BTBD9: variants seen among roughly 807,000 people sequenced by gnomAD.
The protein encoded by BTBD9 is BTB/POZ domain-containing protein 9.
Under a neutral mutation model 64.3 loss-of-function variants are expected in BTBD9, and 49 were observed. That is an observed-to-expected ratio of 0.76 (90% confidence interval 0.61 to 0.97). The LOEUF (loss-of-function observed/expected upper bound fraction) is 0.97. Ranked by LOEUF, BTBD9 falls within the 50% of genes least tolerant of loss-of-function variation. BTBD9 has a pLI of 0.00. For synonymous variants in BTBD9, 260 were observed against 274.7 expected (o/e 0.95, Z 0.53); for missense variants, 598 against 762.1 (o/e 0.78, Z 2.53).
intron 8 of BTBD9, among the ~76,000 whole-genome samples, chr6:38,273,258 T>C (rs901548395): frequency 1.3e-5 from 2 of 152,220 alleles, no homozygotes; most frequent in South Asian, 2.1e-4. Context: ...AGTACAGTAA[T>C]GTCCTTTTAT....
At chr6:38,312,688 GCACCTTTGT>G (rs2127571625) in intron 7 of BTBD9, among the ~76,000 whole-genome samples, 1 of 152,202 alleles carries the variant, frequency 6.6e-6, no homozygotes, top group East Asian at 1.9e-4. Flanking sequence ...TATATTCTTG[GCACCTTTGT>G]CGAAAATGAG....
At chr6:38,518,466 AG>A (rs1773139759) in intron 6 of BTBD9, among the ~76,000 whole-genome samples, 2 of 152,248 alleles carry the variant, frequency 1.3e-5, no homozygotes, top group South Asian at 4.1e-4. Flanking sequence ...AAGGTTTCTT[AG>A]CTCTTTCGAG....
chr6:38,469,873 G>T (rs1770566801), intron 6 of BTBD9, among the ~76,000 whole-genome samples: 2 of 152,084 alleles, frequency 1.3e-5, no homozygotes. Flanking sequence ...TTTCAGACTT[G>T]AGATACTTGG....
chr6:38,582,728 A>G (rs1367442966), intron 4 of BTBD9, among the ~76,000 whole-genome samples: 10 of 152,012 alleles, frequency 6.6e-5, no homozygotes, highest in Admixed American at 6.6e-4. Flanking sequence ...TCTATCATTC[A>G]CCCCCCTTGA....
intron 6 of BTBD9, among the ~76,000 whole-genome samples, chr6:38,502,171 G>A (rs1254355045): frequency 6.6e-6 from 1 of 152,162 alleles, no homozygotes; most frequent in Non-Finnish European, 1.5e-5. Context: ...TTGGGTGGCT[G>A]GGCCAGCTGC....
At chr6:38,261,224 C>T (rs1288248717) in intron 8 of BTBD9, among the ~76,000 whole-genome samples, 1 of 152,082 alleles carries the variant, frequency 6.6e-6, no homozygotes, top group South Asian at 2.1e-4. Context: ...CTGAGTCCAG[C>T]GTATTATGAA....
chr6:38,437,786 G>A (rs1027993618), intron 6 of BTBD9, among the ~76,000 whole-genome samples: 2 of 151,944 alleles, frequency 1.3e-5, no homozygotes, highest in Admixed American at 1.3e-4. Flanking sequence ...TTTTAAGCAG[G>A]GGACAGTGTT....
intron 6 of BTBD9, among the ~76,000 whole-genome samples, chr6:38,448,879 C>A (rs1207943012): frequency 6.6e-6 from 1 of 152,136 alleles, no homozygotes; most frequent in African/African-American, 2.4e-5. Flanking sequence ...CCCCAGAGTT[C>A]TATTATAGTA....
At chr6:38,532,823 T>C (rs1287691818) in intron 6 of BTBD9, among the ~76,000 whole-genome samples, 1 of 151,748 alleles carries the variant, frequency 6.6e-6, no homozygotes, top group Non-Finnish European at 1.5e-5. Flanking sequence ...AGACTCAGCA[T>C]ATCCCCAGCT....
At chr6:38,357,583 C>T (rs1172954903) in intron 6 of BTBD9, among the ~76,000 whole-genome samples, 2 of 152,208 alleles carry the variant, frequency 1.3e-5, no homozygotes, top group Admixed American at 6.5e-5. Flanking sequence ...CTCCCCATCC[C>T]TTTGGTTATT....
intron 1 of BTBD9, among the ~76,000 whole-genome samples, chr6:38,637,851 A>T (rs1021144656): frequency 1.6e-4 from 24 of 152,208 alleles, no homozygotes; most frequent in Non-Finnish European, 3.4e-4. Flanking sequence ...TATTCTTGTC[A>T]AAGACTGTAC....
chr6:38,361,228 C>G (rs985907449), intron 6 of BTBD9, among the ~76,000 whole-genome samples: 1 of 152,122 alleles, frequency 6.6e-6, no homozygotes, highest in Admixed American at 6.6e-5. Flanking sequence ...ATAATAAATA[C>G]CCATAGTCAG....
intron 6 of BTBD9, among the ~76,000 whole-genome samples, chr6:38,502,311 C>T (rs4236060): frequency 0.23 from 34,251 of 152,132 alleles, 4,778 homozygotes; most frequent in East Asian, 0.39. Flanking sequence ...TTGCTACCCA[C>T]GAAACAATAT....
chr6:38,182,749 C>T (rs547773136), intron 10 of BTBD9, among the ~76,000 whole-genome samples: 3 of 152,334 alleles, frequency 2.0e-5, no homozygotes, highest in South Asian at 4.1e-4. Flanking sequence ...TGTCTCCATG[C>T]GTCTCACTGC....
At chr6:38,487,624 A>AGAGAGAGAGAG in intron 6 of BTBD9, among the ~76,000 whole-genome samples, 1 of 134,588 alleles carries the variant, frequency 7.4e-6, no homozygotes, top group Non-Finnish European at 1.6e-5. Flanking sequence ...AGAGAGAGAG[A>AGAGAGAGAGAG]AGGAAGGAAA....
At chr6:38,275,666 A>G (rs1180696002) in intron 8 of BTBD9, among the ~76,000 whole-genome samples, 4 of 152,060 alleles carry the variant, frequency 2.6e-5, no homozygotes, top group Non-Finnish European at 5.9e-5. Flanking sequence ...AAAACAAACA[A>G]CTCCATCAAA....
intron 6 of BTBD9, among the ~76,000 whole-genome samples, chr6:38,462,995 C>A (rs191554535): frequency 2.0e-5 from 3 of 152,258 alleles, no homozygotes; most frequent in Admixed American, 1.3e-4. Flanking sequence ...AACAGGTTGC[C>A]ATGTTGCCCA....
intron 6 of BTBD9, among the ~76,000 whole-genome samples, chr6:38,555,814 A>T (rs1252467261): frequency 6.6e-6 from 1 of 152,200 alleles, no homozygotes; most frequent in Non-Finnish European, 1.5e-5. Context: ...GCAGCTTTTC[A>T]ACCTCACTTT....
rs1765369145 is a variant in BTBD9, at chr6:38,370,393, A to C, written c.1155-25300T>G. Among the ~76,000 whole-genome samples the C allele has an allele frequency of 4.6e-5, 7 of 152,236 alleles. No individual in the cohort carries two copies. In the South Asian group the frequency reaches 1.4e-3, roughly 31 times the overall value. The stretch of plus-strand genomic sequence containing the variant: ...CAAATGAATCTTTGCTTTGGGCTTT[A>C]AGGCTTATGAATTAAATGAGCTATT... On this transcript the variant is annotated intron_variant, in intron 6 of 10. Coordinates refer to ENST00000481247, the MANE Select transcript of BTBD9 (RefSeq NM_001099272.2).
Sources: allele counts gnomAD v4.1 joint callset (sites outside exome capture counted in the v4.1 genomes callset), GRCh38; gene constraint gnomAD v4.1.1; transcripts MANE v1.5; gene names NCBI Gene and HGNC (gene_info 2026-07-23, HGNC 2026-07-21).